Variants in RALGPS2 observed in about 807,000 individuals in gnomAD.
RALGPS2 encodes the protein ras-specific guanine nucleotide-releasing factor RalGPS2.
RALGPS2 carries 43 observed loss-of-function variants against 86.8 expected under a neutral mutation model. That is an observed-to-expected ratio of 0.50 (90% confidence interval 0.39 to 0.64). The LOEUF is 0.64. Ranked by LOEUF, RALGPS2 falls within the 30% of genes least tolerant of loss-of-function variation. The pLI is 0.00. For missense variants in RALGPS2, 536 were observed against 694.6 expected (o/e 0.77, Z 2.57); for synonymous variants, 243 against 231.3 (o/e 1.05, Z -0.46).
chr1:178,828,076 C>T (rs1034943459), intron 7 of RALGPS2, among the ~76,000 whole-genome samples: 10 of 152,202 alleles, frequency 6.6e-5, no homozygotes, highest in African/African-American at 2.4e-4. Flanking sequence ...TTGGCTATGA[C>T]CCCAAAAGTA....
Position 178,847,627 on chromosome 1 carries a change from ATTAAT to A in RALGPS2, c.607+14082_607+14086del, listed in dbSNP as rs550198079. 2.2e-3 allele frequency among the ~76,000 whole-genome samples: 340 copies of A among 152,342 alleles called. 2 individuals carry two copies. Among genetic ancestry groups the A allele is most frequent in the African/African-American group, 7.9e-3 (328 of 41,580 alleles). On this transcript the variant is annotated intron_variant, in intron 8 of 19. Coordinates refer to ENST00000367635, the MANE Select transcript of RALGPS2 (RefSeq NM_152663.5). Reference sequence around the variant, plus strand: ...TAATAATCTTTAACTTACTACAAAGATTAATTTAAATATATGTAAACCATATTACT... The same window carrying A: ...TAATAATCTTTAACTTACTACAAAGATTAAATATATGTAAACCATATTACT...
intron 1 of RALGPS2, among the ~76,000 whole-genome samples, chr1:178,763,327 G>A (rs555767988): frequency 6.6e-6 from 1 of 152,260 alleles, no homozygotes; most frequent in South Asian, 2.1e-4. Flanking sequence ...CACTATTTGG[G>A]CTCTTTTGAG....
intron 1 of RALGPS2, among the ~76,000 whole-genome samples, chr1:178,726,764 T>C (rs990325435): frequency 3.3e-5 from 5 of 152,172 alleles, no homozygotes; most frequent in Admixed American, 3.3e-4. Context: ...CTGTTCAAGT[T>C]TCTTTGAAGA....
At chr1:178,789,492 T>C (rs1653846552) in intron 4 of RALGPS2, among the ~76,000 whole-genome samples, 1 of 152,208 alleles carries the variant, frequency 6.6e-6, no homozygotes, top group African/African-American at 2.4e-5. Flanking sequence ...CTGCTATTCA[T>C]ATAAAATATA....
intron 1 of RALGPS2, among the ~76,000 whole-genome samples, chr1:178,735,885 G>C (rs975993175): frequency 6.6e-6 from 1 of 151,458 alleles, no homozygotes; most frequent in Admixed American, 6.6e-5. Context: ...TTGTGTGAAT[G>C]TATCATTATT....
At chr1:178,854,294 C>T (rs1466815091) in intron 8 of RALGPS2, among the ~76,000 whole-genome samples, 2 of 151,984 alleles carry the variant, frequency 1.3e-5, no homozygotes, top group African/African-American at 4.8e-5. Flanking sequence ...TACATAATAC[C>T]CAAGTTACAG....
chr1:178,855,081 A>C (rs1558151689), intron 8 of RALGPS2, among the ~76,000 whole-genome samples: 2 of 152,128 alleles, frequency 1.3e-5, no homozygotes, highest in East Asian at 3.9e-4. Flanking sequence ...TAGTCAAGTA[A>C]AGTTCTTAAC....
chr1:178,736,322 TG>T (rs1254491453), intron 1 of RALGPS2, among the ~76,000 whole-genome samples: 1 of 151,856 alleles, frequency 6.6e-6, no homozygotes, highest in Non-Finnish European at 1.5e-5. Context: ...CCACCATGCC[TG>T]GCTAATTCTT....
intron 7 of RALGPS2, among the ~76,000 whole-genome samples, chr1:178,826,571 GTTA>G (rs1655751252): frequency 6.6e-6 from 1 of 152,150 alleles, no homozygotes; most frequent in African/African-American, 2.4e-5. Flanking sequence ...GGATTTGGGA[GTTA>G]TTATTTAATG....
chr1:178,807,488 G>A (rs1044671430), intron 4 of RALGPS2, among the ~76,000 whole-genome samples: 1 of 152,184 alleles, frequency 6.6e-6, no homozygotes, highest in African/African-American at 2.4e-5. Context: ...GTAATCTGTA[G>A]CCTACATTTA....
chr1:178,916,527 A>C lies in RALGPS2; in HGVS notation c.*168A>C, dbSNP rs1476587351. On this transcript the variant is annotated 3_prime_UTR_variant, in exon 20 of 20. Transcript: ENST00000367635. ...CACTAATTTCAGGGAATGATTTGAG[A>C]TATTCCCAGAGAACAAATTGGAGTT... is the stretch of plus-strand genomic sequence containing the variant. 1.2e-5 allele frequency: 7 copies of C among 601,272 alleles called. No individual in the cohort carries two copies. The highest frequency in any genetic ancestry group is 2.0e-5 in the Non-Finnish European group (7 of 357,270). The allele number at this position is 601,272 out of a possible 1,614,324, so 37.2% of individuals were successfully genotyped here. A position where few individuals can be genotyped will look rare whatever the true frequency, so the allele number is the denominator to read the frequency against.
chr1:178,902,178 C>T lies in RALGPS2; in HGVS notation c.1597C>T (p.Pro533Ser), dbSNP rs1244670148. ...GATGATGGCTGATGACCCTGAACATCCTGATCTCTTCCTGCTGACTGACTC... is the reference window on the plus strand; with the variant it reads ...GATGATGGCTGATGACCCTGAACATTCTGATCTCTTCCTGCTGACTGACTC... ...MVMMADDPEH[P>S]DLFLLTDSEK... Residue 533 changes from proline (P) to serine (S), a missense_variant, in exon 18 of 20, where the codon CCT becomes TCT. This residue lies in a region of RALGPS2 where 309 missense variants were observed against 363.0 expected (regional missense o/e 0.85). Coordinates refer to ENST00000367635, the MANE Select transcript of RALGPS2 (RefSeq NM_152663.5). 8 of 1,612,982 alleles carry T rather than the reference C, an allele frequency of 5.0e-6. No individual in the cohort carries two copies. Among genetic ancestry groups the T allele is most frequent in the Non-Finnish European group, 6.8e-6 (8 of 1,179,192 alleles).
chr1:178,765,617 C>T (rs73610178), intron 1 of RALGPS2, among the ~76,000 whole-genome samples: 5 of 152,100 alleles, frequency 3.3e-5, no homozygotes, highest in African/African-American at 7.2e-5. Flanking sequence ...AGCAGATAAC[C>T]GGTCTGACCA....
intron 7 of RALGPS2, among the ~76,000 whole-genome samples, chr1:178,823,207 C>A (rs1184478824): frequency 6.6e-6 from 1 of 152,114 alleles, no homozygotes; most frequent in Admixed American, 6.6e-5. Context: ...ATTTTCATTG[C>A]CTCCCTTATG....
chr1:178,878,119 T>C (rs1659075227), intron 9 of RALGPS2, among the ~76,000 whole-genome samples: 1 of 152,126 alleles, frequency 6.6e-6, no homozygotes, highest in South Asian at 2.1e-4. Context: ...TGACCAACTT[T>C]CTTGAGTCAG....
intron 1 of RALGPS2, among the ~76,000 whole-genome samples, chr1:178,756,057 T>A (rs781409609): frequency 2.0e-5 from 3 of 152,312 alleles, no homozygotes; most frequent in Non-Finnish European, 4.4e-5. Flanking sequence ...CCTTATAAAT[T>A]TTGGGTATTA....
At chr1:178,899,669 A>G (rs778570265) in intron 17 of RALGPS2, among the ~76,000 whole-genome samples, 3 of 141,562 alleles carry the variant, frequency 2.1e-5, no homozygotes, top group African/African-American at 5.1e-5. Flanking sequence ...TTTTTTGCCA[A>G]AATATTTAAC....
At chr1:178,775,859 C>T (rs1653057033) in intron 1 of RALGPS2, among the ~76,000 whole-genome samples, 1 of 151,386 alleles carries the variant, frequency 6.6e-6, no homozygotes, top group Non-Finnish European at 1.5e-5. Context: ...TACAGTAAAG[C>T]CACCATATCC....
At chr1:178,815,020 A>G (rs557129216) in intron 6 of RALGPS2, among the ~76,000 whole-genome samples, 1 of 151,912 alleles carries the variant, frequency 6.6e-6, no homozygotes, top group South Asian at 2.1e-4. Context: ...ATCTTTCAGC[A>G]GTTTTCTGTT....
Sources: allele counts gnomAD v4.1 joint callset (sites outside exome capture counted in the v4.1 genomes callset), GRCh38; gene constraint gnomAD v4.1.1; regional missense constraint gnomAD v4.1.1; transcripts MANE v1.5; gene names NCBI Gene and HGNC (gene_info 2026-07-23, HGNC 2026-07-21).